Variants in CCSER2 observed in about 807,000 individuals in gnomAD.
The protein encoded by CCSER2 is serine-rich coiled-coil domain-containing protein 2.
In CCSER2, 46 loss-of-function variants were observed where a neutral mutation model predicts 92.3. The observed-to-expected ratio is 0.50, with a 90% CI of 0.39 to 0.64. The LOEUF (loss-of-function observed/expected upper bound fraction) is 0.64, where lower values mean the gene tolerates loss of function less well. Ranked by LOEUF, CCSER2 falls within the 30% of genes least tolerant of loss-of-function variation. CCSER2 has a pLI of 0.00. For synonymous variants in CCSER2, 433 were observed against 431.4 expected (o/e 1.00, Z -0.04); for missense variants, 1,244 against 1,238.9 (o/e 1.00, Z -0.06).
At position 84,513,530 on chromosome 10, in the gene CCSER2, G is replaced by A. The variant is rs766626465; in HGVS notation, c.2407G>A (p.Glu803Lys). Residue 803 changes from glutamate to lysine, a missense_variant, in exon 10 of 10, where the codon GAG (glutamate) becomes AAG (lysine). Transcript: ENST00000372088. Reference protein sequence around the residue: ...QGKLIKPQRIEARSECSIQDM... With the variant: ...QGKLIKPQRIKARSECSIQDM... The stretch of plus-strand genomic sequence containing the variant: ...AAAACTAATAAAGCCACAACGTATC[G>A]AGGCCCGCAGTGAATGCTCAATCCA... The A allele has an allele frequency of 3.7e-6, 6 of 1,614,018 alleles. No homozygotes were observed. Among genetic ancestry groups the A allele is most frequent in the South Asian group, 2.2e-5 (2 of 91,070 alleles).
chr10:84,332,158 A>C (rs1417177338), intron 1 of CCSER2, among the ~76,000 whole-genome samples: 1 of 152,068 alleles, frequency 6.6e-6, no homozygotes, highest in Non-Finnish European at 1.5e-5. Context: ...TTTGCTTTTA[A>C]AAGTTTGTTT....
At chr10:84,511,855 C>G (rs1243177268) in intron 9 of CCSER2, among the ~76,000 whole-genome samples, 1 of 152,138 alleles carries the variant, frequency 6.6e-6, no homozygotes, top group South Asian at 2.1e-4. Flanking sequence ...ACAGTTCATT[C>G]ATTTTTGTGT....
intron 3 of CCSER2, among the ~76,000 whole-genome samples, chr10:84,378,777 T>C (rs1039391690): frequency 5.9e-5 from 9 of 152,170 alleles, no homozygotes; most frequent in Non-Finnish European, 1.0e-4. Flanking sequence ...TGTCTCTTTT[T>C]GTCCAGTCTG....
chr10:84,388,469 T>C (rs1320112943), intron 3 of CCSER2, among the ~76,000 whole-genome samples: 1 of 152,182 alleles, frequency 6.6e-6, no homozygotes, highest in Admixed American at 6.5e-5. Flanking sequence ...GGATAGATGG[T>C]GTTGATGATC....
At chr10:84,373,152 A>G (rs1009661098) in intron 2 of CCSER2, among the ~76,000 whole-genome samples, 1 of 152,128 alleles carries the variant, frequency 6.6e-6, no homozygotes, top group African/African-American at 2.4e-5. Context: ...GATCGTGCAT[A>G]GAAATGCATG....
intron 6 of CCSER2, among the ~76,000 whole-genome samples, chr10:84,450,293 G>T (rs149830712): frequency 1.3e-5 from 2 of 152,184 alleles, no homozygotes; most frequent in East Asian, 3.9e-4. Flanking sequence ...TAGAATTTTT[G>T]GTAATGAAGT....
At chr10:84,418,614 GGA>G (rs1842990323) in intron 4 of CCSER2, among the ~76,000 whole-genome samples, 1 of 152,126 alleles carries the variant, frequency 6.6e-6, no homozygotes, top group Non-Finnish European at 1.5e-5. Flanking sequence ...ATGGTGAGTG[GGA>G]TCCTTTTATC....
chr10:84,384,841 G>A (rs56917217), intron 3 of CCSER2, among the ~76,000 whole-genome samples: 19,270 of 152,116 alleles, frequency 0.13, 1,494 homozygotes, highest in Admixed American at 0.23. Context: ...TTGTTGATAT[G>A]ATCTTATGCT....
intron 9 of CCSER2, among the ~76,000 whole-genome samples, chr10:84,506,272 G>A (rs1325792258): frequency 6.6e-6 from 1 of 152,098 alleles, no homozygotes; most frequent in African/African-American, 2.4e-5. Context: ...GAGGTCTAGA[G>A]GCACCATTTT....
In CCSER2 at chr10:84,445,863, A is replaced by G. The variant is rs998547192; in HGVS notation, c.2064+7156A>G. Among the ~76,000 whole-genome samples the G allele has an allele frequency of 2.0e-5, 3 of 152,114 alleles. No individual in the cohort carries two copies. The South Asian group carries it at 6.2e-4, about 32-fold the overall frequency. On this transcript the variant is annotated intron_variant, in intron 6 of 9. Coordinates refer to ENST00000372088, the MANE Select transcript of CCSER2 (RefSeq NM_001284240.2). Reference sequence around the variant, plus strand: ...CATTTGTTCTATAATAGATATTTGGACAGGTTTCCTTTTTTGTTGTTTATT... The same window carrying G: ...CATTTGTTCTATAATAGATATTTGGGCAGGTTTCCTTTTTTGTTGTTTATT...
chr10:84,413,082 A>T (rs1842732219), intron 3 of CCSER2, among the ~76,000 whole-genome samples: 1 of 150,576 alleles, frequency 6.6e-6, no homozygotes, highest in African/African-American at 2.4e-5. Flanking sequence ...TAATTTTTTC[A>T]AAAAACTGTT....
chr10:84,478,918 A>G (rs966316464), intron 9 of CCSER2, among the ~76,000 whole-genome samples: 3 of 152,244 alleles, frequency 2.0e-5, no homozygotes, highest in African/African-American at 7.2e-5. Flanking sequence ...GTGGAAGCTC[A>G]TCTGTTTGCA....
chr10:84,336,443 A>G (rs1843841565), intron 1 of CCSER2, among the ~76,000 whole-genome samples: 1 of 152,256 alleles, frequency 6.6e-6, no homozygotes, highest in African/African-American at 2.4e-5. Context: ...CTGCTGTTTT[A>G]TCTAAGGTGG....
chr10:84,399,653 T>C (rs1247595196), intron 3 of CCSER2, among the ~76,000 whole-genome samples: 1 of 152,218 alleles, frequency 6.6e-6, no homozygotes, highest in Non-Finnish European at 1.5e-5. Context: ...AAAATGTTCA[T>C]ATTTAATTAT....
At chr10:84,458,804 T>TCCAAA (rs1284282486) in intron 6 of CCSER2, among the ~76,000 whole-genome samples, 2 of 152,176 alleles carry the variant, frequency 1.3e-5, no homozygotes, top group Admixed American at 6.5e-5. Context: ...ATATTTAATA[T>TCCAAA]ACAGAGTCTG....
intron 9 of CCSER2, among the ~76,000 whole-genome samples, chr10:84,508,493 A>G (rs1052804573): frequency 6.6e-5 from 10 of 152,216 alleles, no homozygotes; most frequent in African/African-American, 2.2e-4. Context: ...TGATAGATCT[A>G]TAAGTGATAG....
chr10:84,496,215 C>T lies in CCSER2; in HGVS notation c.2326-17234C>T, dbSNP rs117341723. ...ATAAGTTTCTTAAATATTTTTTATG[C>T]GTATTTTAAGAAGTACATAAGAAAA... is the stretch of plus-strand genomic sequence containing the variant. On this transcript the variant is annotated intron_variant, in intron 9 of 9. Coordinates refer to ENST00000372088, the MANE Select transcript of CCSER2 (RefSeq NM_001284240.2). Among the ~76,000 whole-genome samples, 90 of 152,164 alleles carry T rather than the reference C, an allele frequency of 5.9e-4. 1 individual carries two copies. The highest frequency in any genetic ancestry group is 5.8e-4 in the East Asian group (3 of 5,178).
intron 3 of CCSER2, among the ~76,000 whole-genome samples, chr10:84,393,480 T>A (rs1480426916): frequency 6.6e-6 from 1 of 152,202 alleles, no homozygotes; most frequent in Non-Finnish European, 1.5e-5. Flanking sequence ...TTTTTTTTGT[T>A]CAAAGCATGA....
intron 6 of CCSER2, among the ~76,000 whole-genome samples, chr10:84,442,193 T>C (rs1001600013): frequency 2.1e-5 from 3 of 144,208 alleles, no homozygotes; most frequent in Non-Finnish European, 4.6e-5. Flanking sequence ...GGACATTCAG[T>C]AAGAAAAGTT....
Sources: gnomAD v4.1 joint callset for allele counts (sites outside exome capture counted in the v4.1 genomes callset) on GRCh38, gnomAD v4.1.1 for gene constraint, MANE v1.5 for transcripts, NCBI Gene and HGNC (gene_info 2026-07-23, HGNC 2026-07-21) for gene names.